N4BP2: variants seen among roughly 807,000 people sequenced by gnomAD.
N4BP2 encodes NEDD4-binding protein 2.
N4BP2 carries 91 observed loss-of-function variants against 152.8 expected under a neutral mutation model. The observed-to-expected ratio is 0.60, with a 90% CI of 0.50 to 0.71. The LOEUF (loss-of-function observed/expected upper bound fraction) is 0.71. Among genes scored for constraint, N4BP2 ranks in the 30% least tolerant of loss-of-function variants. The pLI, the probability that N4BP2 is intolerant of heterozygous loss-of-function variation, is 0.00. For synonymous variants in N4BP2, 646 were observed against 705.3 expected (o/e 0.92, Z 1.33); for missense variants, 1,923 against 2,059.1 (o/e 0.93, Z 1.28).
At chr4:40,185,664 A>T in the N4BP2 span, among the ~76,000 whole-genome samples, 79 of 152,264 alleles carry the variant, frequency 5.2e-4, no homozygotes, top group African/African-American at 1.8e-3. Flanking sequence ...TGTGGTTTTT[A>T]AAAAAAGCAA....
chr4:40,101,416 TC>T, intron 3 of N4BP2, among the ~76,000 whole-genome samples: 2 of 152,330 alleles, frequency 1.3e-5, no homozygotes, highest in South Asian at 4.1e-4. Flanking sequence ...CGCCTCAGCC[TC>T]CCAAAGTGCT....
intron 13 of N4BP2, among the ~76,000 whole-genome samples, chr4:40,135,519 G>A (rs1579111134): frequency 6.6e-6 from 1 of 152,048 alleles, no homozygotes; most frequent in African/African-American, 2.4e-5. Context: ...CTGAGGAATC[G>A]CCACACTGAC....
At chr4:40,092,118 T>C (rs1368331882) in intron 2 of N4BP2, among the ~76,000 whole-genome samples, 1 of 144,466 alleles carries the variant, frequency 6.9e-6, no homozygotes, top group African/African-American at 2.5e-5. Flanking sequence ...TGGTCTGTAG[T>C]TTTTTTGTAC....
At chr4:40,167,387 G>A in the N4BP2 span, 7 of 152,160 alleles carry the variant, frequency 4.6e-5, no homozygotes, top group African/African-American at 1.7e-4. Flanking sequence ...AACATACTCT[G>A]ACAGAATTCC....
rs547806939 is a variant in N4BP2, at chr4:40,150,661, ACT to A, written c.5144-2116_5144-2115del. Among the ~76,000 whole-genome samples the A allele has an allele frequency of 4.8e-3, 628 of 130,078 alleles. 8 individuals are homozygous for A. Among genetic ancestry groups the A allele is most frequent in the African/African-American group, 0.017 (579 of 34,224 alleles). The allele number at this position is 130,078 out of a possible 152,430, so 85.3% of individuals were successfully genotyped here. ...ACTTCAACCTGGGCAACAGAGTGAGACTCTGTCTCAGGGGGAAAAAAAAAAAA... is the reference window on the plus strand; with the variant it reads ...ACTTCAACCTGGGCAACAGAGTGAGACTGTCTCAGGGGGAAAAAAAAAAAA... On this transcript the variant is annotated intron_variant, in intron 16 of 17. Coordinates refer to ENST00000261435, the MANE Select transcript of N4BP2 (RefSeq NM_018177.6).
rs996844812 is a variant in N4BP2, at chr4:40,121,580, T to C, written c.3469T>C (p.Leu1157=). The C allele has an allele frequency of 6.2e-7, 1 of 1,613,996 alleles. No individual in the cohort carries two copies. The highest frequency in any genetic ancestry group is 8.5e-7 in the Non-Finnish European group (1 of 1,180,006). The part of the protein sequence containing the change: ...GSQIGPFSLG[L]NLKEIISQRG... ...ACAAATTGGGCCTTTTTCTCTGGGG[T>C]TGAATTTGAAAGAAATTATTAGCCA... The change falls in exon 9 of 18, where the codon TTG becomes CTG. Residue 1157 remains leucine (L), a synonymous_variant. Transcript: ENST00000261435.
chr4:40,128,126 C>T (rs1029271941), intron 12 of N4BP2, among the ~76,000 whole-genome samples: 8 of 152,150 alleles, frequency 5.3e-5, no homozygotes, highest in Non-Finnish European at 7.4e-5. Flanking sequence ...GTTTGGATTT[C>T]GTCTTACTCT....
the N4BP2 span, among the ~76,000 whole-genome samples, chr4:40,163,833 A>G: frequency 1.3e-5 from 2 of 152,202 alleles, no homozygotes; most frequent in South Asian, 4.1e-4. Context: ...CATCCTAATG[A>G]TTTGATATAC....
rs1187743095 is a variant in N4BP2 at position 40,156,377 on chromosome 4, A to G, written c.*2140A>G. 2 of 152,178 alleles carry G rather than the reference A, an allele frequency of 1.3e-5. No homozygotes were observed. Among genetic ancestry groups the G allele is most frequent in the Non-Finnish European group, 2.9e-5 (2 of 68,004 alleles). 9.4% of individuals were successfully genotyped at this position (152,178 alleles called of 1,614,324 possible). On this transcript the variant is annotated 3_prime_UTR_variant, in exon 18 of 18. Coordinates refer to ENST00000261435, the MANE Select transcript of N4BP2 (RefSeq NM_018177.6). ...GCTATATTGTTTACTTGTTTACTAT[A>G]TCAATGTTAATATTATGCCTTATTT...
rs527707745 is a variant in N4BP2 at position 40,111,408 on chromosome 4, C to T, written c.1499-676C>T. ...TGGTCTCAGCTCACTGCAACCTCCG[C>T]ATACCGGGTTCAAGTGATTCTGCTG... On this transcript the variant is annotated intron_variant, in intron 5 of 17. Transcript: ENST00000261435. Among the ~76,000 whole-genome samples the T allele has an allele frequency of 4.6e-5, 7 of 152,242 alleles. No individual in the cohort carries two copies. The South Asian group carries it at 8.3e-4, about 18-fold the overall frequency.
At chr4:40,085,056 G>T (rs545382002) in intron 2 of N4BP2, among the ~76,000 whole-genome samples, 7 of 151,878 alleles carry the variant, frequency 4.6e-5, no homozygotes, top group African/African-American at 1.7e-4. Context: ...GGGATTACAG[G>T]TGCCCACTAC....
intron 8 of N4BP2, among the ~76,000 whole-genome samples, chr4:40,118,662 C>G (rs1348331618): frequency 6.6e-6 from 1 of 152,152 alleles, no homozygotes; most frequent in Non-Finnish European, 1.5e-5. Flanking sequence ...CCCTTATCTT[C>G]TCGCTGTTAT....
At chr4:40,187,494 T>C in the N4BP2 span, among the ~76,000 whole-genome samples, 1 of 93,494 alleles carries the variant, frequency 1.1e-5, no homozygotes, top group Admixed American at 1.0e-4. Context: ...AATTGTTCTA[T>C]TTTTTTGTAG....
intron 2 of N4BP2, among the ~76,000 whole-genome samples, chr4:40,091,981 C>CAA (rs1189250112): frequency 0.017 from 337 of 20,044 alleles, 63 homozygotes; most frequent in Admixed American, 0.035. Context: ...GACCTTGTGT[C>CAA]AAAAAAAAAA....
intron 1 of N4BP2, among the ~76,000 whole-genome samples, chr4:40,067,389 A>T (rs1311657451): frequency 6.8e-6 from 1 of 147,530 alleles, no homozygotes; most frequent in East Asian, 2.0e-4. Context: ...ATAATATTCC[A>T]TTGTATGTAT....
chr4:40,116,658 G>A (rs1717367365), intron 7 of N4BP2, among the ~76,000 whole-genome samples: 2 of 151,962 alleles, frequency 1.3e-5, no homozygotes, highest in Admixed American at 6.6e-5. Context: ...TATTCATCTA[G>A]TTATTGCTTT....
At position 40,155,100 on chromosome 4, in the gene N4BP2, G is replaced by A. The variant is rs1721481075; in HGVS notation, c.*863G>A. 6.6e-6 allele frequency: 1 copy of A among 152,148 alleles called. No individual in the cohort carries two copies. Among genetic ancestry groups the A allele is most frequent in the South Asian group, 2.1e-4 (1 of 4,830 alleles). The allele number at this position is 152,148 out of a possible 1,614,324, so 9.4% of individuals were successfully genotyped here. On this transcript the variant is annotated 3_prime_UTR_variant, in exon 18 of 18. Transcript: ENST00000261435. Reference sequence around the variant, plus strand: ...ATTAAACAAATATAGAAAATATTTTGTTTATAATTGGCCTGGTGTGGTGGC... The same window carrying A: ...ATTAAACAAATATAGAAAATATTTTATTTATAATTGGCCTGGTGTGGTGGC...
At chr4:40,144,119 G>C (rs1022278241) in intron 15 of N4BP2, among the ~76,000 whole-genome samples, 1 of 152,046 alleles carries the variant, frequency 6.6e-6, no homozygotes, top group African/African-American at 2.4e-5. Flanking sequence ...GAAGAATGTG[G>C]AGTCTGAATT....
chr4:40,105,325 ATTTTTTT>A (rs34758221), intron 4 of N4BP2, among the ~76,000 whole-genome samples: 18 of 136,906 alleles, frequency 1.3e-4, no homozygotes, highest in African/African-American at 4.8e-4. Context: ...TGTAGTTACA[ATTTTTTT>A]TTTTTTTTTT....
Sources: allele counts gnomAD v4.1 joint callset (sites outside exome capture counted in the v4.1 genomes callset), GRCh38; gene constraint gnomAD v4.1.1; transcripts MANE v1.5; gene names NCBI Gene and HGNC (gene_info 2026-07-23, HGNC 2026-07-21).